The following PDYN variants were observed in gnomAD, a reference collection of about 807,000 sequenced individuals.
PDYN encodes proenkephalin-B.
Under a neutral mutation model 11.4 loss-of-function variants are expected in PDYN, and 5 were observed. That is an observed-to-expected ratio of 0.44 (90% CI 0.23 to 0.92). The LOEUF is 0.92. Among genes scored for constraint, PDYN ranks in the 40% least tolerant of loss-of-function variants. The probability of loss-of-function intolerance (pLI) is 0.24; values close to 1 mark genes in which losing one functional copy is unlikely to be tolerated. For synonymous variants in PDYN, 132 were observed against 129.5 expected (o/e 1.02, Z -0.13); for missense variants, 337 against 317.3 (o/e 1.06, Z -0.47).
At chr20:1,986,466 C>T (rs1988189138) in intron 2 of PDYN, among the ~76,000 whole-genome samples, 1 of 152,184 alleles carries the variant, frequency 6.6e-6, no homozygotes, top group South Asian at 2.1e-4. Context: ...CTGACTGCAC[C>T]TCTGCCCTGT....
chr20:1,982,980 A>G lies in PDYN; in HGVS notation c.105T>C (p.Asp35=), dbSNP rs1191479480. Residue 35 remains aspartate (D), a synonymous_variant, in exon 3 of 4, where the codon GAT becomes GAC. Coordinates refer to ENST00000217305, the MANE Select transcript of PDYN (RefSeq NM_024411.5). ...CCAGGGGATTGATAGGTTTGGGACC[A>G]TCCTGGGTCTTTACAGCACACAAGG... ...RCSLCAVKTQ[D]GPKPINPLIC... 6.2e-7 allele frequency: 1 copy of G among 1,614,080 alleles called. No individual in the cohort carries two copies. The highest frequency in any genetic ancestry group is 1.7e-5 in the Admixed American group (1 of 60,022).
chr20:1,987,152 G>A (rs1016169166), intron 2 of PDYN, among the ~76,000 whole-genome samples: 2 of 152,142 alleles, frequency 1.3e-5, no homozygotes, highest in Non-Finnish European at 2.9e-5. Context: ...AAGCAAAGAG[G>A]TGGGCAGAGG....
chr20:1,992,112 G>C (rs1988476759), intron 2 of PDYN, among the ~76,000 whole-genome samples: 2 of 152,124 alleles, frequency 1.3e-5, no homozygotes, highest in Non-Finnish European at 2.9e-5. Flanking sequence ...TATCCCATTG[G>C]AGACTTGCAA....
intron 2 of PDYN, among the ~76,000 whole-genome samples, chr20:1,991,523 TCCTGGGGCTTA>T (rs1988447532): frequency 6.6e-6 from 1 of 152,192 alleles, no homozygotes; most frequent in Non-Finnish European, 1.5e-5. Context: ...GAGGGTCTGA[TCCTGGGGCTTA>T]CCTGGGTGTC....
intron 2 of PDYN, among the ~76,000 whole-genome samples, chr20:1,992,344 C>T (rs1044354139): frequency 8.5e-5 from 13 of 152,176 alleles, no homozygotes; most frequent in Non-Finnish European, 1.9e-4. Flanking sequence ...ACTCCTTCCA[C>T]GTGTTTTAAG....
At chr20:1,989,601 C>T (rs568292306) in intron 2 of PDYN, among the ~76,000 whole-genome samples, 1 of 152,090 alleles carries the variant, frequency 6.6e-6, no homozygotes, top group East Asian at 1.9e-4. Flanking sequence ...GAGCCGCAAG[C>T]GTTTTTATTT....
chr20:1,985,691 G>A (rs1328680682), intron 2 of PDYN, among the ~76,000 whole-genome samples: 1 of 152,254 alleles, frequency 6.6e-6, no homozygotes, highest in South Asian at 2.1e-4. Context: ...CTCGCTTGAG[G>A]CTGGCAAGGT....
intron 2 of PDYN, among the ~76,000 whole-genome samples, chr20:1,984,107 T>A (rs1232775358): frequency 6.6e-6 from 1 of 152,226 alleles, no homozygotes; most frequent in East Asian, 1.9e-4. Context: ...AGTCTACTAT[T>A]TGGTAATTAG....
At chr20:1,987,191 G>A (rs1182854942) in intron 2 of PDYN, among the ~76,000 whole-genome samples, 8 of 152,224 alleles carry the variant, frequency 5.3e-5, no homozygotes, top group Non-Finnish European at 7.4e-5. Context: ...CATAGGCCAA[G>A]GGAGAGTTTG....
At position 1,980,083 on chromosome 20, in the gene PDYN, T is replaced by C. The variant is rs1789968489; in HGVS notation, c.*240A>G. ...TGCCGCTGCTGATAGTTTTAGAGTC[T>C]AGGTGTCTGAGCCAAGCACTAAGCC... On this transcript the variant is annotated 3_prime_UTR_variant, in exon 4 of 4. Coordinates refer to ENST00000217305, the MANE Select transcript of PDYN (RefSeq NM_024411.5). The C allele has an allele frequency of 3.4e-6, 2 of 580,286 alleles. No individual in the cohort carries two copies. Among genetic ancestry groups the C allele is most frequent in the Admixed American group, 3.0e-5 (1 of 33,808 alleles). 35.9% of individuals were successfully genotyped at this position (580,286 alleles called of 1,614,324 possible).
At chr20:1,981,976 C>T (rs1314890672) in intron 3 of PDYN, among the ~76,000 whole-genome samples, 3 of 132,718 alleles carry the variant, frequency 2.3e-5, no homozygotes, top group Non-Finnish European at 4.7e-5. Context: ...TAACTTCTGG[C>T]ATGGGCTTGA....
chr20:1,980,476 G>T lies in PDYN; in HGVS notation c.612C>A (p.Tyr204Ter), dbSNP rs752659908. The stretch of plus-strand genomic sequence containing the variant: ...GCCGCAAGAAGCCCCCATAGCGTTT[G>T]TACAGGTCCTCATGGCCCATGCTAT... The part of the protein sequence containing the change: ...DGDSMGHEDL[Y>*]KRYGGFLRRI... The change falls in exon 4 of 4, where the codon TAC becomes TAA. Residue 204 changes from tyrosine to a stop codon, truncating the protein, a stop_gained. Transcript: ENST00000217305. LOFTEE classifies it high-confidence loss of function. 2 of 1,613,182 alleles carry T rather than the reference G, an allele frequency of 1.2e-6. No individual in the cohort carries two copies. Among genetic ancestry groups the T allele is most frequent in the South Asian group, 2.2e-5 (2 of 91,076 alleles).
chr20:1,982,930 A>T (rs375457212), intron 3 of PDYN, 26 bp downstream of exon 3: 1 of 1,611,538 alleles, frequency 6.2e-7, no homozygotes, highest in South Asian at 1.1e-5. Context: ...GGACCTGGGC[A>T]TTGAAGAACC....
chr20:1,985,729 T>C (rs950590818), intron 2 of PDYN, among the ~76,000 whole-genome samples: 1 of 152,196 alleles, frequency 6.6e-6, no homozygotes, highest in African/African-American at 2.4e-5. Flanking sequence ...GGAGGCTCAG[T>C]GGAAAAGTCA....
chr20:1,988,719 C>T (rs1988303197), intron 2 of PDYN, among the ~76,000 whole-genome samples: 1 of 152,198 alleles, frequency 6.6e-6, no homozygotes, highest in Non-Finnish European at 1.5e-5. Context: ...AGCTTTTTCT[C>T]AGCTGCTACC....
rs1015583327 is a variant in PDYN, at chr20:1,982,206, G to A, written c.129+750C>T. Among the ~76,000 whole-genome samples, 5 of 152,190 alleles carry A rather than the reference G, an allele frequency of 3.3e-5. No homozygotes were observed. The South Asian group carries it at 8.3e-4, about 25-fold the overall frequency. On this transcript the variant is annotated intron_variant, in intron 3 of 3. Coordinates refer to ENST00000217305, the MANE Select transcript of PDYN (RefSeq NM_024411.5). Reference sequence around the variant, plus strand: ...CAGGAGGCAGAGGTCTCAGTGAGCCGACATCATGCCACTGCACTCAAGTCT... The same window carrying A: ...CAGGAGGCAGAGGTCTCAGTGAGCCAACATCATGCCACTGCACTCAAGTCT...
rs373922212 is a variant in PDYN at position 1,980,450 on chromosome 20, C to G, written c.638G>C (p.Arg213Pro). The G allele has an allele frequency of 1.9e-6, 3 of 1,614,048 alleles. No homozygotes were observed. The highest frequency in any genetic ancestry group is 2.5e-6 in the Non-Finnish European group (3 of 1,180,044). The change falls in exon 4 of 4, where the codon CGC becomes CCC. Residue 213 changes from arginine to proline, a missense_variant. By Grantham distance (103) the Arg-to-Pro change is moderately radical. Transcript: ENST00000217305. ...GTCCCACTTGAGCTTGGGACGAATG[C>G]GCCGCAAGAAGCCCCCATAGCGTTT... ...LYKRYGGFLR[R>P]IRPKLKWDNQ... is the part of the protein sequence containing the mutation.
chr20:1,988,002 G>T (rs932594328), intron 2 of PDYN, among the ~76,000 whole-genome samples: 3 of 152,192 alleles, frequency 2.0e-5, no homozygotes, highest in Non-Finnish European at 4.4e-5. Context: ...AAATGCTGCT[G>T]CATGACTCAC....
At chr20:1,986,822 A>G (rs763455663) in intron 2 of PDYN, among the ~76,000 whole-genome samples, 21 of 152,186 alleles carry the variant, frequency 1.4e-4, no homozygotes, top group Non-Finnish European at 2.9e-4. Flanking sequence ...CCACCCTCCA[A>G]GCCTTTGCAC....
Sources: allele counts gnomAD v4.1 joint callset (sites outside exome capture counted in the v4.1 genomes callset), GRCh38; gene constraint gnomAD v4.1.1; transcripts MANE v1.5; gene names NCBI Gene and HGNC (gene_info 2026-07-23, HGNC 2026-07-21).